C9orf153: variants seen among roughly 807,000 people sequenced by gnomAD.
C9orf153 encodes uncharacterized protein C9orf153.
In C9orf153, 10 loss-of-function variants were observed where a neutral mutation model predicts 9.0. The ratio of observed to expected loss-of-function variants is 1.11; its 90% CI spans 0.69 to 1.89. C9orf153 has a LOEUF of 1.89. Ranked by LOEUF, C9orf153 falls within the 40% of genes most tolerant of loss-of-function variation. The pLI, the probability that C9orf153 is intolerant of heterozygous loss-of-function variation, is 0.00. For missense variants in C9orf153, 108 were observed against 111.0 expected, an observed-to-expected ratio of 0.97 and a Z score of 0.12; for synonymous variants, 35 against 37.3, an observed-to-expected ratio of 0.94 and a Z score of 0.23.
chr9:86,237,178 T>A (rs1824615259), intron 1 of C9orf153, among the ~76,000 whole-genome samples: 1 of 151,874 alleles, frequency 6.6e-6, no homozygotes, highest in African/African-American at 2.4e-5. Flanking sequence ...GTAAAAAAAA[T>A]ATATAATTGA....
intron 3 of C9orf153, among the ~76,000 whole-genome samples, chr9:86,222,926 G>C (rs760360837): frequency 3.3e-5 from 5 of 152,174 alleles, no homozygotes; most frequent in Non-Finnish European, 7.3e-5. Context: ...CTCCATCCCT[G>C]TACTGGGAGG....
At chr9:86,239,190 G>T (rs10868400) in intron 1 of C9orf153, among the ~76,000 whole-genome samples, 46,508 of 151,654 alleles carry the variant, frequency 0.31, 7,295 homozygotes, top group East Asian at 0.42. Context: ...GAACCCGGGA[G>T]GCGGAGGTTG....
chr9:86,232,510 T>C (rs1469447744), intron 1 of C9orf153, among the ~76,000 whole-genome samples: 2 of 152,066 alleles, frequency 1.3e-5, no homozygotes, highest in Non-Finnish European at 2.9e-5. Flanking sequence ...TCTTCATCGT[T>C]ACTCCCACAG....
intron 1 of C9orf153, among the ~76,000 whole-genome samples, chr9:86,242,211 T>C (rs376284491): frequency 2.0e-5 from 3 of 152,092 alleles, no homozygotes; most frequent in African/African-American, 4.8e-5. Context: ...GCAAAGGCCA[T>C]GTGCTGGAGG....
chr9:86,243,787 A>G (rs956638842), intron 1 of C9orf153, among the ~76,000 whole-genome samples: 5 of 152,202 alleles, frequency 3.3e-5, no homozygotes, highest in African/African-American at 1.2e-4. Flanking sequence ...TTGCTTTGCA[A>G]CTACCATATT....
chr9:86,229,241 T>A (rs1375683632), intron 2 of C9orf153, among the ~76,000 whole-genome samples: 1 of 138,660 alleles, frequency 7.2e-6, no homozygotes, highest in African/African-American at 2.8e-5. Context: ...GTTCTCTGGT[T>A]AATACATCTT....
chr9:86,221,460 A>G lies in C9orf153; in HGVS notation c.*228T>C, dbSNP rs1824201363. Reference sequence around the variant, plus strand: ...TTTGTGTATTAAATCAATGCTCTCAAAAGCAAAAATCTACGTCCAAAATAT... The same window carrying G: ...TTTGTGTATTAAATCAATGCTCTCAGAAGCAAAAATCTACGTCCAAAATAT... On this transcript the variant is annotated 3_prime_UTR_variant, in exon 4 of 4. Transcript: ENST00000339137. 1.7e-5 allele frequency: 20 copies of G among 1,204,482 alleles called. No individual in the cohort carries two copies. The highest frequency in any genetic ancestry group is 2.1e-5 in the Non-Finnish European group (20 of 945,102). The allele number at this position is 1,204,482 out of a possible 1,614,324, so 74.6% of individuals were successfully genotyped here.
At chr9:86,228,762 G>A (rs1296719724) in intron 2 of C9orf153, 1 of 154,070 alleles carries the variant, frequency 6.5e-6, no homozygotes, top group Non-Finnish European at 1.5e-5. Flanking sequence ...GCCCAATGCA[G>A]AGTTTTCCTT....
intron 1 of C9orf153, among the ~76,000 whole-genome samples, chr9:86,238,149 A>T (rs1009036389): frequency 6.6e-5 from 10 of 152,134 alleles, no homozygotes; most frequent in Non-Finnish European, 1.2e-4. Flanking sequence ...AACTGATAGA[A>T]GTACAAGAAG....
chr9:86,242,284 C>A (rs10125093), intron 1 of C9orf153, among the ~76,000 whole-genome samples: 3 of 151,732 alleles, frequency 2.0e-5, no homozygotes, highest in Non-Finnish European at 4.4e-5. Flanking sequence ...GAGAGCCCTG[C>A]CTTCTTAGAG....
chr9:86,248,473 C>T (rs1462335618), intron 1 of C9orf153, among the ~76,000 whole-genome samples: 7 of 152,082 alleles, frequency 4.6e-5, no homozygotes, highest in South Asian at 2.1e-4. Flanking sequence ...AGAGTACGCG[C>T]GCAGGTTTGT....
At chr9:86,245,273 T>C (rs1564002586) in intron 1 of C9orf153, among the ~76,000 whole-genome samples, 1 of 152,184 alleles carries the variant, frequency 6.6e-6, no homozygotes, top group Non-Finnish European at 1.5e-5. Context: ...TAAAAACATA[T>C]AACAAAATTT....
intron 1 of C9orf153, among the ~76,000 whole-genome samples, chr9:86,237,169 TA>T (rs1052330061): frequency 6.6e-6 from 1 of 151,530 alleles, no homozygotes; most frequent in East Asian, 1.9e-4. Flanking sequence ...CACTAAAAAG[TA>T]AAAAAAATAT....
intron 1 of C9orf153, among the ~76,000 whole-genome samples, chr9:86,258,798 T>A (rs1192953397): frequency 6.6e-6 from 1 of 152,122 alleles, no homozygotes; most frequent in South Asian, 2.1e-4. Context: ...AGTACAATGT[T>A]CCCACAACCC....
rs1417353409 is a variant in C9orf153, at chr9:86,221,548, G to A, written c.*140C>T. 6.7e-6 allele frequency: 9 copies of A among 1,344,828 alleles called. No individual in the cohort carries two copies. The African/African-American group carries it at 1.4e-4, about 20-fold the overall frequency. The allele number at this position is 1,344,828 out of a possible 1,614,324, so 83.3% of individuals were successfully genotyped here. ...CCTTCATTTTGATAATCAATTTGAG[G>A]ATAAATGACCAAAGACTTGCGAACT... On this transcript the variant is annotated 3_prime_UTR_variant, in exon 4 of 4. Transcript: ENST00000339137.
At chr9:86,235,716 T>G (rs1824568831) in intron 1 of C9orf153, among the ~76,000 whole-genome samples, 1 of 109,994 alleles carries the variant, frequency 9.1e-6, no homozygotes, top group Admixed American at 1.5e-4. Flanking sequence ...CACTCCAGCC[T>G]GGGTGACAGA....
chr9:86,222,661 C>T (rs901653225), intron 3 of C9orf153, among the ~76,000 whole-genome samples: 1 of 152,146 alleles, frequency 6.6e-6, no homozygotes, highest in East Asian at 1.9e-4. Flanking sequence ...TCCCCTCTCC[C>T]TTCTCTTCCA....
rs1824202480 is a variant in C9orf153 at position 86,221,520 on chromosome 9, C to T, written c.*168G>A. 3 of 1,370,010 alleles carry T rather than the reference C, an allele frequency of 2.2e-6. No individual in the cohort carries two copies. Among genetic ancestry groups the T allele is most frequent in the East Asian group, 2.8e-5 (1 of 35,606 alleles). The allele number at this position is 1,370,010 out of a possible 1,614,324, so 84.9% of individuals were successfully genotyped here. On this transcript the variant is annotated 3_prime_UTR_variant, in exon 4 of 4. Transcript: ENST00000339137. ...CTACATATTCCATTTAAGAGAATAACTTCCTTCATTTTGATAATCAATTTG... is the reference window on the plus strand; with the variant it reads ...CTACATATTCCATTTAAGAGAATAATTTCCTTCATTTTGATAATCAATTTG...
chr9:86,235,741 CAAAAAA>C (rs60165641), intron 1 of C9orf153, among the ~76,000 whole-genome samples: 7 of 22,056 alleles, frequency 3.2e-4, no homozygotes, highest in African/African-American at 4.0e-4. Context: ...GACTCCATCT[CAAAAAA>C]AAAAAAAAAA....
Sources: allele counts gnomAD v4.1 joint callset (sites outside exome capture counted in the v4.1 genomes callset), GRCh38; gene constraint gnomAD v4.1.1; transcripts MANE v1.5; gene names NCBI Gene and HGNC (gene_info 2026-07-23, HGNC 2026-07-21).